The following WFDC9 variants were observed in gnomAD, a reference collection of about 807,000 sequenced individuals.
WFDC9 encodes protein WFDC9.
A neutral mutation model predicts 9.5 loss-of-function variants in WFDC9; 9 were observed. The ratio of observed to expected loss-of-function variants is 0.95; its 90% confidence interval spans 0.57 to 1.65. WFDC9 has a LOEUF of 1.65. WFDC9 is among the 40% of genes most tolerant of loss of function. The pLI is 0.00. For synonymous variants in WFDC9, 33 were observed against 32.3 expected (o/e 1.02, Z -0.07); for missense variants, 87 against 106.7 (o/e 0.82, Z 0.81).
In WFDC9 at chr20:45,607,976, G is replaced by C. The variant is rs1401446396; in HGVS notation, c.*134C>G. 1.0e-6 allele frequency: 1 copy of C among 991,754 alleles called. No individual in the cohort carries two copies. Among genetic ancestry groups the C allele is most frequent in the African/African-American group, 1.6e-5 (1 of 60,876 alleles). 61.4% of individuals were successfully genotyped at this position (991,754 alleles called of 1,614,324 possible). A position where few individuals can be genotyped will look rare whatever the true frequency, so the allele number is the denominator to read the frequency against. Reference sequence around the variant, plus strand: ...AGCAGTTTATTTGACAAAAGCTTCAGGGTAAAGAGGTCAAGGAAATAGCAG... The same window carrying C: ...AGCAGTTTATTTGACAAAAGCTTCACGGTAAAGAGGTCAAGGAAATAGCAG... On this transcript the variant is annotated 3_prime_UTR_variant, in exon 5 of 5. Coordinates refer to ENST00000326000, the MANE Select transcript of WFDC9 (RefSeq NM_147198.4).
At chr20:45,631,182 A>G (rs771871690) in intron 1 of WFDC9, 21 bp downstream of exon 1, 8 of 702,726 alleles carry the variant, frequency 1.1e-5, no homozygotes, top group South Asian at 4.2e-5. Flanking sequence ...ATAAACCAGA[A>G]CAAATGCCCA....
chr20:45,618,922 C>T (rs984460254), intron 1 of WFDC9, among the ~76,000 whole-genome samples: 6 of 152,104 alleles, frequency 3.9e-5, no homozygotes, highest in African/African-American at 1.4e-4. Context: ...ATGCAACATC[C>T]ATAAAGCAAA....
chr20:45,625,761 A>G (rs1982202870), intron 1 of WFDC9, among the ~76,000 whole-genome samples: 1 of 150,616 alleles, frequency 6.6e-6, no homozygotes, highest in South Asian at 2.1e-4. Context: ...CTTTGTCAAA[A>G]AGCAGTTGGC....
At chr20:45,610,490 T>C (rs1025859980) in intron 2 of WFDC9, among the ~76,000 whole-genome samples, 2 of 152,168 alleles carry the variant, frequency 1.3e-5, no homozygotes, top group East Asian at 1.9e-4. Context: ...ATATAATATG[T>C]AAAATTAAAA....
intron 1 of WFDC9, among the ~76,000 whole-genome samples, chr20:45,625,425 G>A (rs547567488): frequency 2.6e-5 from 4 of 152,190 alleles, no homozygotes; most frequent in South Asian, 2.1e-4. Context: ...TCAATGTGTC[G>A]ATTGTTTCCT....
chr20:45,610,431 A>G (rs1981836050), intron 2 of WFDC9, among the ~76,000 whole-genome samples, 192 bp from the exon 3 acceptor site: 1 of 152,186 alleles, frequency 6.6e-6, no homozygotes, highest in African/African-American at 2.4e-5. Context: ...ATTATTTCTT[A>G]TTAAAATGAA....
At chr20:45,631,034 G>T (rs1487322) in intron 1 of WFDC9, 169 bp downstream of exon 1, 503,713 of 1,577,958 alleles carry the variant, frequency 0.32, 81,682 homozygotes, top group South Asian at 0.41. Flanking sequence ...AGAGTGGGCT[G>T]GGATGTGCAT....
At chr20:45,609,714 T>C (rs1415458808) in intron 3 of WFDC9, among the ~76,000 whole-genome samples, 3 of 152,134 alleles carry the variant, frequency 2.0e-5, no homozygotes, top group Admixed American at 6.5e-5. Context: ...CCAACTAAAT[T>C]AACGTGTTAA....
chr20:45,616,853 C>T (rs1158355950), intron 1 of WFDC9, among the ~76,000 whole-genome samples: 1 of 152,126 alleles, frequency 6.6e-6, no homozygotes. Flanking sequence ...ATTTATAGAG[C>T]AGAGCAAGAG....
intron 2 of WFDC9, among the ~76,000 whole-genome samples, chr20:45,611,951 A>C (rs1872772562): frequency 1.3e-5 from 2 of 152,124 alleles, no homozygotes; most frequent in South Asian, 4.2e-4. Context: ...GATAGGCTTG[A>C]ATTAGAATCC....
At chr20:45,625,495 G>T (rs1386669662) in intron 1 of WFDC9, among the ~76,000 whole-genome samples, 3 of 151,986 alleles carry the variant, frequency 2.0e-5, no homozygotes, top group African/African-American at 4.8e-5. Context: ...TGCTTTTGTT[G>T]CCCATGGTTG....
chr20:45,623,471 A>T (rs1194568728), intron 1 of WFDC9, among the ~76,000 whole-genome samples: 1 of 152,026 alleles, frequency 6.6e-6, no homozygotes, highest in African/African-American at 2.4e-5. Flanking sequence ...TACTGAAAAT[A>T]CAAAAGTTAG....
chr20:45,611,725 A>G (rs569948710), intron 2 of WFDC9, among the ~76,000 whole-genome samples: 20 of 152,318 alleles, frequency 1.3e-4, no homozygotes, highest in Non-Finnish European at 2.5e-4. Context: ...GTTAATGAAG[A>G]AAGATTTCTA....
intron 1 of WFDC9, among the ~76,000 whole-genome samples, chr20:45,622,340 G>A (rs975653404): frequency 2.0e-5 from 3 of 152,074 alleles, no homozygotes; most frequent in African/African-American, 7.2e-5. Flanking sequence ...GGCTAGATAT[G>A]CAAGTTTTCT....
At chr20:45,615,511 G>C (rs1600918821) in intron 1 of WFDC9, among the ~76,000 whole-genome samples, 1 of 152,190 alleles carries the variant, frequency 6.6e-6, no homozygotes, top group Non-Finnish European at 1.5e-5. Context: ...TGCAGGTTCA[G>C]TTTCAGGCTA....
chr20:45,627,837 C>T (rs73908174), intron 1 of WFDC9, among the ~76,000 whole-genome samples: 1,944 of 152,074 alleles, frequency 0.013, 42 homozygotes, highest in African/African-American at 0.045. Flanking sequence ...AAACTATGTC[C>T]TTTGTGATGT....
chr20:45,625,067 A>G (rs755557761), intron 1 of WFDC9, among the ~76,000 whole-genome samples: 7 of 152,350 alleles, frequency 4.6e-5, no homozygotes, highest in Non-Finnish European at 7.3e-5. Context: ...TAATTTATAA[A>G]CAAAAGAGGT....
At chr20:45,630,455 C>A (rs1016613899) in intron 1 of WFDC9, among the ~76,000 whole-genome samples, 1 of 152,032 alleles carries the variant, frequency 6.6e-6, no homozygotes, top group African/African-American at 2.4e-5. Context: ...GAGGGAGAGA[C>A]AAGAGGCATG....
At position 45,608,064 on chromosome 20, in the gene WFDC9, C is replaced by A. The variant is rs1467896152; in HGVS notation, c.*46G>T. 6.2e-7 allele frequency: 1 copy of A among 1,610,876 alleles called. No individual in the cohort carries two copies. The highest frequency in any genetic ancestry group is 2.2e-5 in the East Asian group (1 of 44,876). On this transcript the variant is annotated 3_prime_UTR_variant, in exon 5 of 5. Coordinates refer to ENST00000326000, the MANE Select transcript of WFDC9 (RefSeq NM_147198.4). Reference sequence around the variant, plus strand: ...GGAAGTAGGCAGCACTCTTCTTAGACCAGATGGTCATCCTTCAGCCCACAG... The same window carrying A: ...GGAAGTAGGCAGCACTCTTCTTAGAACAGATGGTCATCCTTCAGCCCACAG...
Sources: allele counts gnomAD v4.1 joint callset (sites outside exome capture counted in the v4.1 genomes callset), GRCh38; gene constraint gnomAD v4.1.1; transcripts MANE v1.5; gene names NCBI Gene and HGNC (gene_info 2026-07-23, HGNC 2026-07-21).